PHF7: variants seen among roughly 807,000 people sequenced by gnomAD.
PHF7 encodes PHD finger protein 7, also known as E3 ubiquitin-protein ligase PHF7.
Under a neutral mutation model 47.5 loss-of-function variants are expected in PHF7, and 24 were observed. The ratio of observed to expected loss-of-function variants is 0.51; its 90% confidence interval spans 0.37 to 0.71. The LOEUF is 0.71. PHF7 is among the 30% of genes least tolerant of loss of function. The pLI is 0.00. For missense variants in PHF7, 361 were observed against 456.8 expected (o/e 0.79, Z 1.91); for synonymous variants, 156 against 153.8 (o/e 1.01, Z -0.11).
At chr3:52,411,792 G>A (rs947443187) in intron 1 of PHF7, among the ~76,000 whole-genome samples, 1 of 152,220 alleles carries the variant, frequency 6.6e-6, no homozygotes, top group African/African-American at 2.4e-5. Context: ...GGTAACAGCC[G>A]GAGTTGGCTG....
intron 2 of PHF7, 59 bp from the exon 3 acceptor site, chr3:52,413,937 A>G: frequency 8.5e-7 from 1 of 1,173,838 alleles, no homozygotes; most frequent in Non-Finnish European, 1.3e-6. Flanking sequence ...AGAAATGTTA[A>G]AAAGGTTATC....
rs201931264 is a variant in PHF7, at chr3:52,422,822, C to G, written c.860C>G (p.Ser287Cys). The change falls in exon 10 of 11, where the codon TCT becomes TGT. Residue 287 changes from serine to cysteine, a missense_variant. Physicochemically the swap from Ser to Cys is moderately radical, Grantham distance 112. Coordinates refer to ENST00000327906, the MANE Select transcript of PHF7 (RefSeq NM_016483.7). The part of the protein sequence containing the change: ...GSHGTHRDCS[S>C]LRSNSKKWEC... ...CACGGAACCCACAGGGACTGCTCCTCTCTTAGATCTAACAGTAAGAAATGG... is the reference window on the plus strand; with the variant it reads ...CACGGAACCCACAGGGACTGCTCCTGTCTTAGATCTAACAGTAAGAAATGG... The G allele has an allele frequency of 1.2e-6, 2 of 1,614,062 alleles. No homozygotes were observed. Among genetic ancestry groups the G allele is most frequent in the Non-Finnish European group, 1.7e-6 (2 of 1,179,940 alleles).
At position 52,420,316 on chromosome 3, in the gene PHF7, C is replaced by CT; in HGVS notation, c.297dup (p.Val100CysfsTer43). 1.2e-6 allele frequency: 2 copies of CT among 1,613,978 alleles called. No individual in the cohort carries two copies. The highest frequency in any genetic ancestry group is 1.7e-6 in the Non-Finnish European group (2 of 1,179,822). On this transcript the variant is annotated frameshift_variant, in exon 6 of 11. Transcript: ENST00000327906. LOFTEE classifies it high-confidence loss of function. ...GTCTGGGAACTCATTTGCAGATCTG[C>CT]TTTGTGTGCAAGAAAAAGGGAGCTG...
rs1304932725 is a variant in PHF7, at chr3:52,420,417, A to C, written c.395A>C (p.Gln132Pro). The change falls in exon 6 of 11, where the codon CAA becomes CCA. Residue 132 changes from glutamine (Q) to proline (P), a missense_variant. Coordinates refer to ENST00000327906, the MANE Select transcript of PHF7 (RefSeq NM_016483.7). ...GGCCAAGAAAGGGGTTGCCTTTCAC[A>C]ATTTTTTGGAGAGTACAAGTGAGTG... Reference protein sequence around the residue: ...PCGQERGCLSQFFGEYKSFCD... With the variant: ...PCGQERGCLSPFFGEYKSFCD... 6.2e-7 allele frequency: 1 copy of C among 1,614,012 alleles called. No homozygotes were observed. Among genetic ancestry groups the C allele is most frequent in the Non-Finnish European group, 8.5e-7 (1 of 1,179,996 alleles).
In PHF7 at chr3:52,422,407, T is replaced by C; in HGVS notation, c.797+69T>C. ...TCTTAGAGTTAGACCTTGGCACAGTTATTAGAAGTAAGAAATTCACTCTTG... is the reference window on the plus strand; with the variant it reads ...TCTTAGAGTTAGACCTTGGCACAGTCATTAGAAGTAAGAAATTCACTCTTG... On this transcript the variant is annotated intron_variant, in intron 9 of 10. Coordinates refer to ENST00000327906, the MANE Select transcript of PHF7 (RefSeq NM_016483.7). 3.0e-6 allele frequency: 3 copies of C among 1,000,906 alleles called. No homozygotes were observed. The South Asian group carries it at 3.8e-5, about 13-fold the overall frequency. 62.0% of individuals were successfully genotyped at this position (1,000,906 alleles called of 1,614,324 possible).
At chr3:52,417,500 T>C (rs1705660912) in intron 4 of PHF7, among the ~76,000 whole-genome samples, 1 of 152,242 alleles carries the variant, frequency 6.6e-6, no homozygotes, top group African/African-American at 2.4e-5. Flanking sequence ...CAAAGTCTTG[T>C]ACATCTTTTG....
In PHF7 at chr3:52,422,647, C is replaced by T. The variant is rs899423717; in HGVS notation, c.798-113C>T. ...CAGCACTCATCCTCTCTGAGCCATACATTCATCTTGGGTAAAATGTGCTGT... is the reference window on the plus strand; with the variant it reads ...CAGCACTCATCCTCTCTGAGCCATATATTCATCTTGGGTAAAATGTGCTGT... On this transcript the variant is annotated intron_variant, in intron 9 of 10. Coordinates refer to ENST00000327906, the MANE Select transcript of PHF7 (RefSeq NM_016483.7). The T allele has an allele frequency of 5.4e-6, 6 of 1,106,936 alleles. No individual in the cohort carries two copies. In the African/African-American group the frequency reaches 9.2e-5, roughly 17 times the overall value. 68.6% of individuals were successfully genotyped at this position (1,106,936 alleles called of 1,614,324 possible).
At chr3:52,421,197 C>T in intron 7 of PHF7, 135 bp downstream of exon 7, 1 of 745,564 alleles carries the variant, frequency 1.3e-6, no homozygotes, top group South Asian at 1.9e-5. Context: ...GGGCTGGTTT[C>T]AGGCAGTTAG....
rs1440735156 is a variant in PHF7 at position 52,412,860 on chromosome 3, G to A, written c.-20G>A. The A allele has an allele frequency of 1.1e-5, 17 of 1,593,300 alleles. No individual in the cohort carries two copies. Among genetic ancestry groups the A allele is most frequent in the African/African-American group, 6.7e-5 (5 of 74,346 alleles). On this transcript the variant is annotated 5_prime_UTR_variant, in exon 2 of 11. Coordinates refer to ENST00000327906, the MANE Select transcript of PHF7 (RefSeq NM_016483.7). Reference sequence around the variant, plus strand: ...CAATAGTATAGAAGAATTCAAGAGAGGAGAGAGAGACAGCACCGAATGAAG... The same window carrying A: ...CAATAGTATAGAAGAATTCAAGAGAAGAGAGAGAGACAGCACCGAATGAAG...
At chr3:52,419,721 A>T in intron 4 of PHF7, 112 bp from the exon 5 acceptor site, 1 of 741,988 alleles carries the variant, frequency 1.3e-6, no homozygotes, top group Non-Finnish European at 2.4e-6. Flanking sequence ...ATGAGCCACC[A>T]CACCCGGCCC....
intron 1 of PHF7, 64 bp from the exon 2 acceptor site, chr3:52,412,747 C>T: frequency 1.4e-6 from 1 of 728,718 alleles, no homozygotes; most frequent in Non-Finnish European, 2.4e-6. Flanking sequence ...TTGCCTTGAC[C>T]CTGGGGAACT....
chr3:52,422,188 A>G (rs1705812313), intron 8 of PHF7, 34 bp from the exon 9 acceptor site: 1 of 1,404,310 alleles, frequency 7.1e-7, no homozygotes, highest in Non-Finnish European at 1.0e-6. Context: ...CCAACCCATT[A>G]TGTTCTTATT....
intron 3 of PHF7, 92 bp downstream of exon 3, chr3:52,414,140 C>A: frequency 1.2e-6 from 1 of 814,650 alleles, no homozygotes; most frequent in East Asian, 2.5e-5. Flanking sequence ...CTTCTTCTCT[C>A]TCTCCCAGCC....
At chr3:52,416,570 C>T (rs1241228505) in intron 4 of PHF7, among the ~76,000 whole-genome samples, 1 of 151,300 alleles carries the variant, frequency 6.6e-6, no homozygotes, top group Non-Finnish European at 1.5e-5. Context: ...CACAGTGGCT[C>T]ACGCCTGTAA....
chr3:52,410,885 A>G lies in PHF7; in HGVS notation c.-432A>G, dbSNP rs916160449. The G allele has an allele frequency of 5.3e-5, 8 of 152,306 alleles. No homozygotes were observed. Among genetic ancestry groups the G allele is most frequent in the African/African-American group, 1.9e-4 (8 of 41,460 alleles). 9.4% of individuals were successfully genotyped at this position (152,306 alleles called of 1,614,324 possible). On this transcript the variant is annotated 5_prime_UTR_variant, in exon 1 of 11. Transcript: ENST00000327906. ...AGGCGCGACATGAGCCTGGTCTGGC[A>G]TCCGCGGGATGCTCCTTAAGCCCCT...
chr3:52,414,113 G>T (rs1424047651), intron 3 of PHF7, 65 bp downstream of exon 3: 2 of 1,052,772 alleles, frequency 1.9e-6, no homozygotes, highest in East Asian at 4.7e-5. Context: ...GGCCACCTGT[G>T]TGGGGCAGTA....
At chr3:52,415,361 T>C (rs990689594) in intron 4 of PHF7, among the ~76,000 whole-genome samples, 5 of 152,226 alleles carry the variant, frequency 3.3e-5, no homozygotes, top group African/African-American at 1.2e-4. Context: ...CATGCCTGGC[T>C]AATTTTGTAT....
In PHF7 at chr3:52,423,364, G is replaced by T. The variant is rs760783173; in HGVS notation, c.*47G>T. 6 of 1,273,286 alleles carry T rather than the reference G, an allele frequency of 4.7e-6. No individual in the cohort carries two copies. The highest frequency in any genetic ancestry group is 6.8e-6 in the Non-Finnish European group (6 of 884,708). The allele number at this position is 1,273,286 out of a possible 1,614,324, so 78.9% of individuals were successfully genotyped here. On this transcript the variant is annotated 3_prime_UTR_variant, in exon 11 of 11. Transcript: ENST00000327906. ...CCCACACAATAGGGTATGAAGCTGC[G>T]CTCCTCCATCGGGTTTGGGGAGGGA...
rs1305781138 is a variant in PHF7, at chr3:52,410,908, C to T, written c.-409C>T. ...GCATCCGCGGGATGCTCCTTAAGCC[C>T]CTTCTCCGGCTGTTAACCTCCGGGG... On this transcript the variant is annotated 5_prime_UTR_variant, in exon 1 of 11. Coordinates refer to ENST00000327906, the MANE Select transcript of PHF7 (RefSeq NM_016483.7). 2 of 152,288 alleles carry T rather than the reference C, an allele frequency of 1.3e-5. No homozygotes were observed. Among genetic ancestry groups the T allele is most frequent in the African/African-American group, 4.8e-5 (2 of 41,468 alleles). 9.4% of individuals were successfully genotyped at this position (152,288 alleles called of 1,614,324 possible).
Sources: allele counts gnomAD v4.1 joint callset (sites outside exome capture counted in the v4.1 genomes callset), GRCh38; gene constraint gnomAD v4.1.1; transcripts MANE v1.5; gene names NCBI Gene and HGNC (gene_info 2026-07-23, HGNC 2026-07-21).